CMC2: variants seen among roughly 807,000 people sequenced by gnomAD.
CMC2 encodes C-X9-C motif containing 2.
CMC2 carries 5 observed loss-of-function variants against 7.5 expected under a neutral mutation model. That is an observed-to-expected ratio of 0.66 (90% CI 0.35 to 1.40). The LOEUF (loss-of-function observed/expected upper bound fraction) is 1.40. Ranked by LOEUF, CMC2 falls within the 40% of genes most tolerant of loss-of-function variation. The pLI is 0.04. For synonymous variants in CMC2, 37 were observed against 31.4 expected, an observed-to-expected ratio of 1.18 and a Z score of -0.60; for missense variants, 115 against 92.3, an observed-to-expected ratio of 1.25 and a Z score of -1.01.
At chr16:80,996,283 C>T (rs1968408569) in intron 2 of CMC2, among the ~76,000 whole-genome samples, 2 of 152,170 alleles carry the variant, frequency 1.3e-5, no homozygotes, top group South Asian at 2.1e-4. Flanking sequence ...TCTTTCTCTC[C>T]GCTGTGCCTC....
At position 80,981,969 on chromosome 16, in the gene CMC2, T is replaced by G. The variant is rs144117210; in HGVS notation, c.82-92A>C. ...TTAAATACTGCCACAGACATGAGTT[T>G]ACAGTGTCACTTTGTTAATAAACAA... On this transcript the variant is annotated intron_variant, in intron 2 of 3. Coordinates refer to ENST00000219400, the MANE Select transcript of CMC2 (RefSeq NM_020188.5). 4.5e-4 allele frequency: 309 copies of G among 692,788 alleles called. 3 individuals carry two copies. The African/African-American group carries it at 5.0e-3, about 11-fold the overall frequency. The allele number at this position is 692,788 out of a possible 1,614,324, so 42.9% of individuals were successfully genotyped here. A position where few individuals can be genotyped will look rare whatever the true frequency, so the allele number is the denominator to read the frequency against.
rs1246741338 is a variant in CMC2, at chr16:80,973,118, G to A, written c.*2975C>T. Reference sequence around the variant, plus strand: ...TGGGGAAAGTCAGCAAGGCTGATGAGATGTAAAGCATGGAATAAGATGCAG... The same window carrying A: ...TGGGGAAAGTCAGCAAGGCTGATGAAATGTAAAGCATGGAATAAGATGCAG... On this transcript the variant is annotated 3_prime_UTR_variant, in exon 4 of 4. Transcript: ENST00000219400. 2.0e-5 allele frequency: 3 copies of A among 152,300 alleles called. No individual in the cohort carries two copies. Among genetic ancestry groups the A allele is most frequent in the African/African-American group, 7.2e-5 (3 of 41,476 alleles). 9.4% of individuals were successfully genotyped at this position (152,300 alleles called of 1,614,324 possible). A position where few individuals can be genotyped will look rare whatever the true frequency, so the allele number is the denominator to read the frequency against.
Position 80,974,174 on chromosome 16 carries a change from C to G in CMC2, c.*1919G>C, listed in dbSNP as rs554135939. On this transcript the variant is annotated 3_prime_UTR_variant, in exon 4 of 4. Coordinates refer to ENST00000219400, the MANE Select transcript of CMC2 (RefSeq NM_020188.5). ...GACATCCTAGACACTTCCTTAAACC[C>G]TACACCTAGTCAGTCATGCTGACTC... is the stretch of plus-strand genomic sequence containing the variant. The G allele has an allele frequency of 1.3e-5, 2 of 152,290 alleles. No homozygotes were observed. Among genetic ancestry groups the G allele is most frequent in the East Asian group, 3.9e-4 (2 of 5,180 alleles). 9.4% of individuals were successfully genotyped at this position (152,290 alleles called of 1,614,324 possible).
At chr16:80,996,239 C>T (rs998411058) in intron 2 of CMC2, among the ~76,000 whole-genome samples, 4 of 152,184 alleles carry the variant, frequency 2.6e-5, no homozygotes, top group African/African-American at 9.7e-5. Context: ...GCAAAATCCT[C>T]AATAACAAGA....
intron 2 of CMC2, among the ~76,000 whole-genome samples, chr16:80,988,939 C>T (rs2549834): frequency 0.8 from 121,238 of 152,044 alleles, 48,487 homozygotes; most frequent in South Asian, 0.93. Flanking sequence ...TGCTCCCCCA[C>T]GTGGGTTTGT....
rs777840616 is a variant in CMC2 at position 80,975,140 on chromosome 16, T to A, written c.*953A>T. 4 of 152,378 alleles carry A rather than the reference T, an allele frequency of 2.6e-5. No individual in the cohort carries two copies. The highest frequency in any genetic ancestry group is 3.4e-3 in the Middle Eastern group (1 of 294). The allele number at this position is 152,378 out of a possible 1,614,324, so 9.4% of individuals were successfully genotyped here. A position where few individuals can be genotyped will look rare whatever the true frequency, so the allele number is the denominator to read the frequency against. On this transcript the variant is annotated 3_prime_UTR_variant, in exon 4 of 4. Transcript: ENST00000219400. ...GAAGGAACACTGGTGAAATGACTGCTAGAATTGGGCACGGGAAGAACAGTC... is the reference window on the plus strand; with the variant it reads ...GAAGGAACACTGGTGAAATGACTGCAAGAATTGGGCACGGGAAGAACAGTC...
rs138457856 is a variant in CMC2 at position 80,978,335 on chromosome 16, T to A, written c.154-2156A>T. The A allele has an allele frequency of 1.7e-4, 209 of 1,263,312 alleles. No homozygotes were observed. In the African/African-American group the frequency reaches 2.9e-3, roughly 17 times the overall value. 78.3% of individuals were successfully genotyped at this position (1,263,312 alleles called of 1,614,324 possible). ...AAGATAATACTTTGTAGCAGGCCAA[T>A]AAAATAAGTTACAAAGCAAATTAAA... On this transcript the variant is annotated intron_variant, in intron 3 of 3. Coordinates refer to ENST00000219400, the MANE Select transcript of CMC2 (RefSeq NM_020188.5).
chr16:80,996,793 T>G (rs545086589), intron 2 of CMC2: 1 of 175,692 alleles, frequency 5.7e-6, no homozygotes, highest in African/African-American at 2.4e-5. Flanking sequence ...ATTCCAAATA[T>G]GGATGGGCTC....
chr16:80,978,326 G>T (rs1912688239), intron 3 of CMC2: 2 of 1,259,980 alleles, frequency 1.6e-6, no homozygotes, highest in Admixed American at 2.6e-5. Flanking sequence ...ATACTTTGTA[G>T]CAGGCCAATA....
At chr16:80,984,698 TCAA>T (rs1967387608) in intron 2 of CMC2, among the ~76,000 whole-genome samples, 3 of 152,214 alleles carry the variant, frequency 2.0e-5, no homozygotes, top group Admixed American at 2.0e-4. Flanking sequence ...TGCCTTCAAG[TCAA>T]GTAGACTTTT....
chr16:80,995,611 C>T (rs554308568), intron 2 of CMC2, among the ~76,000 whole-genome samples: 2 of 152,082 alleles, frequency 1.3e-5, no homozygotes. Context: ...GAGCCAAGAT[C>T]GCGCCACTAC....
chr16:80,970,662 C>A lies in CMC2; in HGVS notation c.*5431G>T, dbSNP rs941331080. ...TACTATTCAAAAGTGATGTGACTGT[C>A]TACATAGAAAAATCTAAAATAATCT... On this transcript the variant is annotated 3_prime_UTR_variant, in exon 4 of 4. Coordinates refer to ENST00000219400, the MANE Select transcript of CMC2 (RefSeq NM_020188.5). 1 of 152,136 alleles carries A rather than the reference C, an allele frequency of 6.6e-6. No individual in the cohort carries two copies. Among genetic ancestry groups the A allele is most frequent in the Non-Finnish European group, 1.5e-5 (1 of 68,018 alleles). The allele number at this position is 152,136 out of a possible 1,614,324, so 9.4% of individuals were successfully genotyped here.
At chr16:80,977,970 G>A (rs1041033305) in intron 3 of CMC2, among the ~76,000 whole-genome samples, 11 of 151,834 alleles carry the variant, frequency 7.2e-5, no homozygotes, top group Non-Finnish European at 5.9e-5. Context: ...TATTCAGGAG[G>A]CTGAGGCAGG....
In CMC2 at chr16:80,970,662, C is replaced by G. The variant is rs941331080; in HGVS notation, c.*5431G>C. 4.6e-5 allele frequency: 7 copies of G among 152,136 alleles called. No homozygotes were observed. Among genetic ancestry groups the G allele is most frequent in the African/African-American group, 1.2e-4 (5 of 41,420 alleles). 9.4% of individuals were successfully genotyped at this position (152,136 alleles called of 1,614,324 possible). On this transcript the variant is annotated 3_prime_UTR_variant, in exon 4 of 4. Coordinates refer to ENST00000219400, the MANE Select transcript of CMC2 (RefSeq NM_020188.5). ...TACTATTCAAAAGTGATGTGACTGTCTACATAGAAAAATCTAAAATAATCT... is the reference window on the plus strand; with the variant it reads ...TACTATTCAAAAGTGATGTGACTGTGTACATAGAAAAATCTAAAATAATCT...
At chr16:80,995,081 G>C (rs1174728875) in intron 2 of CMC2, among the ~76,000 whole-genome samples, 2 of 152,170 alleles carry the variant, frequency 1.3e-5, no homozygotes, top group Non-Finnish European at 2.9e-5. Flanking sequence ...GGGAGGCAGA[G>C]GTTGCAGTGA....
rs1462219846 is a variant in CMC2 at position 80,970,564 on chromosome 16, T to C, written c.*5529A>G. 1 of 152,254 alleles carries C rather than the reference T, an allele frequency of 6.6e-6. No homozygotes were observed. The highest frequency in any genetic ancestry group is 2.4e-5 in the African/African-American group (1 of 41,476). The allele number at this position is 152,254 out of a possible 1,614,324, so 9.4% of individuals were successfully genotyped here. On this transcript the variant is annotated 3_prime_UTR_variant, in exon 4 of 4. Coordinates refer to ENST00000219400, the MANE Select transcript of CMC2 (RefSeq NM_020188.5). ...GAAGTCTGATGTATCTATTAAACAT[T>C]ATACTGAATGTTCTAAGTACAATAA...
chr16:80,994,915 G>A (rs1968284118), intron 2 of CMC2, among the ~76,000 whole-genome samples: 1 of 152,100 alleles, frequency 6.6e-6, no homozygotes, highest in South Asian at 2.1e-4. Context: ...GGGGGCCATG[G>A]CAGGTGGATC....
At position 80,988,657 on chromosome 16, in the gene CMC2, C is replaced by T. The variant is rs552811783; in HGVS notation, c.82-6780G>A. 69 of 695,234 alleles carry T rather than the reference C, an allele frequency of 9.9e-5. 2 individuals carry two copies. In the South Asian group the frequency reaches 1.0e-3, roughly 10 times the overall value. 43.1% of individuals were successfully genotyped at this position (695,234 alleles called of 1,614,324 possible). On this transcript the variant is annotated intron_variant, in intron 2 of 3. Coordinates refer to ENST00000219400, the MANE Select transcript of CMC2 (RefSeq NM_020188.5). Reference sequence around the variant, plus strand: ...ACGATTACCAAAATTAGGAAATTAACATTAACACTAGTATCTAATTTATAG... The same window carrying T: ...ACGATTACCAAAATTAGGAAATTAATATTAACACTAGTATCTAATTTATAG...
intron 1 of CMC2, among the ~76,000 whole-genome samples, chr16:81,003,015 C>G (rs555545131): frequency 1.3e-5 from 2 of 152,210 alleles, no homozygotes; most frequent in East Asian, 1.9e-4. Context: ...ATATTTTTAG[C>G]TAGATATGTT....
Sources: gnomAD v4.1 joint callset for allele counts (sites outside exome capture counted in the v4.1 genomes callset) on GRCh38, gnomAD v4.1.1 for gene constraint, MANE v1.5 for transcripts, NCBI Gene and HGNC (gene_info 2026-07-23, HGNC 2026-07-21) for gene names.